MMP16: variants seen among roughly 807,000 people sequenced by gnomAD.
The protein encoded by MMP16 is matrix metallopeptidase 16, also known as matrix metalloproteinase-16.
In MMP16, 12 loss-of-function variants were observed where a neutral mutation model predicts 67.8. The ratio of observed to expected loss-of-function variants is 0.18; its 90% CI spans 0.11 to 0.29. MMP16 has a LOEUF of 0.29. Ranked by LOEUF, MMP16 falls within the 10% of genes least tolerant of loss-of-function variation. MMP16 has a pLI of 1.00. For missense variants in MMP16, 475 were observed against 765.7 expected (o/e 0.62, Z 4.48); for synonymous variants, 249 against 255.9 (o/e 0.97, Z 0.26).
In MMP16 at chr8:88,275,191, T is replaced by C. The variant is rs188930718; in HGVS notation, c.132+51884A>G. Among the ~76,000 whole-genome samples the C allele has an allele frequency of 8.5e-5, 13 of 152,090 alleles. No homozygotes were observed. The East Asian group carries it at 2.3e-3, about 27-fold the overall frequency. The stretch of plus-strand genomic sequence containing the variant: ...ATCAAATTGCAGCTTTATCTTCCCA[T>C]TATTTTGTGTGAATCTAAGTAAAGA... On this transcript the variant is annotated intron_variant, in intron 1 of 9. Coordinates refer to ENST00000286614, the MANE Select transcript of MMP16 (RefSeq NM_005941.5).
intron 1 of MMP16, among the ~76,000 whole-genome samples, chr8:88,285,112 A>G (rs1194472110): frequency 6.6e-6 from 1 of 151,966 alleles, no homozygotes; most frequent in African/African-American, 2.4e-5. Flanking sequence ...GGACAAGAAC[A>G]GTTTTTTGTT....
intron 1 of MMP16, among the ~76,000 whole-genome samples, chr8:88,324,280 T>C (rs1335566958): frequency 6.6e-6 from 1 of 152,164 alleles, no homozygotes; most frequent in Non-Finnish European, 1.5e-5. Context: ...TAAAAATATC[T>C]CTCACTTCGA....
intron 4 of MMP16, among the ~76,000 whole-genome samples, chr8:88,161,508 G>A (rs1402456569): frequency 1.3e-5 from 2 of 151,972 alleles, no homozygotes; most frequent in African/African-American, 2.4e-5. Context: ...CCAGCTCCTG[G>A]ATTCATTAAT....
At position 88,045,707 on chromosome 8, in the gene MMP16, T is replaced by C. The variant is rs1366954968; in HGVS notation, c.1489+962A>G. Among the ~76,000 whole-genome samples the C allele has an allele frequency of 2.0e-5, 3 of 152,048 alleles. No individual in the cohort carries two copies. In the East Asian group the frequency reaches 5.8e-4, roughly 29 times the overall value. Reference sequence around the variant, plus strand: ...TAAGGTCAATCACAGTTTTCAGTGGTAGTATGATTTTTCATTTTCCCCTGA... The same window carrying C: ...TAAGGTCAATCACAGTTTTCAGTGGCAGTATGATTTTTCATTTTCCCCTGA... On this transcript the variant is annotated intron_variant, in intron 9 of 9. Transcript: ENST00000286614.
intron 1 of MMP16, among the ~76,000 whole-genome samples, chr8:88,214,494 T>C (rs1410224064): frequency 6.6e-6 from 1 of 152,186 alleles, no homozygotes; most frequent in East Asian, 1.9e-4. Flanking sequence ...ACCTTTTAGT[T>C]TTTTTTCATT....
intron 2 of MMP16, among the ~76,000 whole-genome samples, chr8:88,194,099 A>C (rs534144559): frequency 6.6e-6 from 1 of 152,124 alleles, no homozygotes; most frequent in Non-Finnish European, 1.5e-5. Context: ...ATTTAAGGTA[A>C]TACCTTAATT....
Position 88,072,602 on chromosome 8 carries a change from C to T in MMP16, c.1222+2003G>A, listed in dbSNP as rs139979570. Among the ~76,000 whole-genome samples, 645 of 152,164 alleles carry T rather than the reference C, an allele frequency of 4.2e-3. 14 individuals carry two copies. The highest frequency in any genetic ancestry group is 0.04 in the South Asian group (192 of 4,820). On this transcript the variant is annotated intron_variant, in intron 7 of 9. Transcript: ENST00000286614. ...TGGTTAGAGAAGTCTGGGACAAAAA[C>T]GAAATTATTGCTGTTGTAAGCACCA...
intron 1 of MMP16, among the ~76,000 whole-genome samples, chr8:88,284,836 CTTT>C (rs757759799): frequency 7.0e-6 from 1 of 142,830 alleles, no homozygotes. Flanking sequence ...TTCTCTATGC[CTTT>C]TTTTTTTTTT....
intron 4 of MMP16, among the ~76,000 whole-genome samples, chr8:88,127,545 G>C (rs1369178645): frequency 6.6e-6 from 1 of 151,510 alleles, no homozygotes; most frequent in Non-Finnish European, 1.5e-5. Context: ...CATTACTGTT[G>C]GCCATAACCC....
chr8:88,066,562 GCTAA>G (rs1398321435), intron 7 of MMP16, among the ~76,000 whole-genome samples: 2 of 152,186 alleles, frequency 1.3e-5, no homozygotes, highest in Non-Finnish European at 2.9e-5. Flanking sequence ...TGTAAATGGT[GCTAA>G]CTGATAGTCA....
At chr8:88,290,506 T>C (rs1810910323) in intron 1 of MMP16, among the ~76,000 whole-genome samples, 1 of 152,076 alleles carries the variant, frequency 6.6e-6, no homozygotes, top group Non-Finnish European at 1.5e-5. Context: ...TGAGCAGATA[T>C]TGTGCCACTG....
At chr8:88,049,286 T>A (rs1343749676) in intron 8 of MMP16, among the ~76,000 whole-genome samples, 1 of 152,200 alleles carries the variant, frequency 6.6e-6, no homozygotes, top group Non-Finnish European at 1.5e-5. Flanking sequence ...TTCTTTCACA[T>A]TTTGTTCATG....
rs1207272002 is a variant in MMP16, at chr8:88,038,155, T to C, written c.*3306A>G. ...CATGTAGAAGAGGAGTCAGGAACCATACCCACAAAGTAGCTGGTGTACAAT... is the reference window on the plus strand; with the variant it reads ...CATGTAGAAGAGGAGTCAGGAACCACACCCACAAAGTAGCTGGTGTACAAT... On this transcript the variant is annotated 3_prime_UTR_variant, in exon 10 of 10. Coordinates refer to ENST00000286614, the MANE Select transcript of MMP16 (RefSeq NM_005941.5). This position sits in a 1 kb window ranked among gnomAD's most constrained non-coding sequence, Gnocchi z 4.1. 5 of 152,008 alleles carry C rather than the reference T, an allele frequency of 3.3e-5. No individual in the cohort carries two copies. Among genetic ancestry groups the C allele is most frequent in the Admixed American group, 1.3e-4 (2 of 15,238 alleles). The allele number at this position is 152,008 out of a possible 1,614,324, so 9.4% of individuals were successfully genotyped here. A position where few individuals can be genotyped will look rare whatever the true frequency, so the allele number is the denominator to read the frequency against.
intron 1 of MMP16, among the ~76,000 whole-genome samples, chr8:88,315,819 G>A (rs1298917123): frequency 6.6e-6 from 1 of 152,206 alleles, no homozygotes; most frequent in Admixed American, 6.6e-5. Context: ...AGGAAAGCAT[G>A]TTGAAAGCCA....
Position 88,037,431 on chromosome 8 carries a change from G to A in MMP16, c.*4030C>T, listed in dbSNP as rs998587490. On this transcript the variant is annotated 3_prime_UTR_variant, in exon 10 of 10. Coordinates refer to ENST00000286614, the MANE Select transcript of MMP16 (RefSeq NM_005941.5). ...CTTGCTTATTTCAGTAAACCAGTCT[G>A]TATCTTTTATTACTTAGTAATTATT... 2.6e-5 allele frequency: 4 copies of A among 151,972 alleles called. No individual in the cohort carries two copies. Among genetic ancestry groups the A allele is most frequent in the Non-Finnish European group, 4.4e-5 (3 of 67,842 alleles). 9.4% of individuals were successfully genotyped at this position (151,972 alleles called of 1,614,324 possible).
intron 3 of MMP16, 96 bp from the exon 4 acceptor site, chr8:88,168,069 T>C (rs953520374): frequency 1.3e-5 from 11 of 869,376 alleles, no homozygotes; most frequent in Admixed American, 2.9e-5. Context: ...TTAGAGAAAA[T>C]AGTCATATTA....
At chr8:88,157,468 C>G (rs1156629782) in intron 4 of MMP16, among the ~76,000 whole-genome samples, 1 of 151,802 alleles carries the variant, frequency 6.6e-6, no homozygotes, top group Non-Finnish European at 1.5e-5. Context: ...ATATAAATCC[C>G]TTACATGAGC....
At chr8:88,157,097 A>G (rs900706160) in intron 4 of MMP16, among the ~76,000 whole-genome samples, 1 of 152,122 alleles carries the variant, frequency 6.6e-6, no homozygotes, top group Non-Finnish European at 1.5e-5. Flanking sequence ...CAGGGCAGAA[A>G]TGGAACAGTT....
Position 88,306,815 on chromosome 8 carries a change from C to T in MMP16, c.132+20260G>A, listed in dbSNP as rs368094400. 2.2e-4 allele frequency among the ~76,000 whole-genome samples: 33 copies of T among 152,216 alleles called. 2 individuals are homozygous for T. The highest frequency in any genetic ancestry group is 3.4e-3 in the Middle Eastern group (1 of 294). On this transcript the variant is annotated intron_variant, in intron 1 of 9. Coordinates refer to ENST00000286614, the MANE Select transcript of MMP16 (RefSeq NM_005941.5). ...AGAGCCATATATTTCAAACCCACAG[C>T]CAGTATCATACTAAATGGGCAAGAG...
Sources: allele counts gnomAD v4.1 joint callset (sites outside exome capture counted in the v4.1 genomes callset), GRCh38; gene constraint gnomAD v4.1.1; non-coding constraint Gnocchi (gnomAD v3.1); transcripts MANE v1.5; gene names NCBI Gene and HGNC (gene_info 2026-07-23, HGNC 2026-07-21).